Variants in PSD3 observed in about 807,000 individuals in gnomAD.
PSD3 encodes PH and SEC7 domain-containing protein 3.
Under a neutral mutation model 105.5 loss-of-function variants are expected in PSD3, and 49 were observed. That is an observed-to-expected ratio of 0.46 (90% CI 0.37 to 0.59). The LOEUF is 0.59. Among genes scored for constraint, PSD3 ranks in the 20% least tolerant of loss-of-function variants. The probability of loss-of-function intolerance (pLI) is 0.00; values close to 1 mark genes in which losing one functional copy is unlikely to be tolerated. For synonymous variants in PSD3, 557 were observed against 457.8 expected (o/e 1.22, Z -2.77); for missense variants, 1,561 against 1,263.8 (o/e 1.24, Z -3.57).
At chr8:18,761,279 A>G (rs896317636) in intron 9 of PSD3, among the ~76,000 whole-genome samples, 1 of 152,198 alleles carries the variant, frequency 6.6e-6, no homozygotes, top group Non-Finnish European at 1.5e-5. Flanking sequence ...GCAGCAAGCT[A>G]AAAAGGGATG....
chr8:18,703,092 G>C (rs1314507208), intron 9 of PSD3, among the ~76,000 whole-genome samples: 1 of 152,158 alleles, frequency 6.6e-6, no homozygotes, highest in Non-Finnish European at 1.5e-5. Context: ...TTATTTGAGA[G>C]TGTCGAGAGC....
chr8:19,062,700 T>C (rs1473142830), intron 1 of PSD3, among the ~76,000 whole-genome samples: 1 of 152,154 alleles, frequency 6.6e-6, no homozygotes, highest in Non-Finnish European at 1.5e-5. Context: ...ATAAAAATAA[T>C]AGAAGTTGTG....
chr8:18,758,079 T>A (rs891164868), intron 9 of PSD3, among the ~76,000 whole-genome samples: 2 of 152,208 alleles, frequency 1.3e-5, no homozygotes, highest in African/African-American at 4.8e-5. Context: ...ACAGAGTCCT[T>A]GTGCCATTTA....
intron 2 of PSD3, among the ~76,000 whole-genome samples, chr8:18,893,436 A>T (rs1333127854): frequency 6.6e-6 from 1 of 152,204 alleles, no homozygotes; most frequent in Non-Finnish European, 1.5e-5. Context: ...TATCGAGTTG[A>T]TTTCCAGCTA....
intron 9 of PSD3, among the ~76,000 whole-genome samples, chr8:18,751,030 C>T (rs1254725399): frequency 2.0e-5 from 3 of 152,142 alleles, no homozygotes; most frequent in South Asian, 2.1e-4. Flanking sequence ...GCCAGTCCTG[C>T]GCGATGCGCT....
At chr8:18,566,253 G>C (rs1047264430) in intron 14 of PSD3, among the ~76,000 whole-genome samples, 1 of 152,112 alleles carries the variant, frequency 6.6e-6, no homozygotes, top group African/African-American at 2.4e-5. Context: ...TGCTGGGCAG[G>C]GTGGCTCACG....
In PSD3 at chr8:19,012,434, G is replaced by A. The variant is rs184939765; in HGVS notation, c.21+1129C>T. ...AAGAAAGGATCATTTCTTGGAAAAG[G>A]GTAGAAAGTGAATTCCCTTTCCTTT... On this transcript the variant is annotated intron_variant, in intron 1 of 15. Coordinates refer to ENST00000327040, the MANE Select transcript of PSD3 (RefSeq NM_015310.4). Among the ~76,000 whole-genome samples the A allele has an allele frequency of 3.0e-4, 45 of 152,248 alleles. No individual in the cohort carries two copies. The South Asian group carries it at 5.4e-3, about 18-fold the overall frequency.
At chr8:19,051,358 C>T (rs1399636762) in intron 1 of PSD3, among the ~76,000 whole-genome samples, 2 of 152,186 alleles carry the variant, frequency 1.3e-5, no homozygotes, top group African/African-American at 4.8e-5. Context: ...TCTCATATGA[C>T]TCAGTGTTGC....
At chr8:19,030,282 C>G (rs1827719707) in intron 1 of PSD3, among the ~76,000 whole-genome samples, 1 of 152,096 alleles carries the variant, frequency 6.6e-6, no homozygotes, top group African/African-American at 2.4e-5. Flanking sequence ...GATTAGTTTT[C>G]AAATGTTAAA....
At chr8:18,771,443 C>A (rs1232353574) in intron 8 of PSD3, among the ~76,000 whole-genome samples, 2 of 152,158 alleles carry the variant, frequency 1.3e-5, no homozygotes, top group Admixed American at 1.3e-4. Flanking sequence ...TCCAACATCA[C>A]AAAGATTTAC....
chr8:18,732,047 T>C (rs1803794784), intron 9 of PSD3, among the ~76,000 whole-genome samples: 1 of 152,080 alleles, frequency 6.6e-6, no homozygotes, highest in Non-Finnish European at 1.5e-5. Context: ...CTGTCTCTCA[T>C]ATACAACTAG....
At chr8:18,901,108 A>G (rs1031880041) in intron 2 of PSD3, among the ~76,000 whole-genome samples, 1 of 152,218 alleles carries the variant, frequency 6.6e-6, no homozygotes, top group Admixed American at 6.5e-5. Context: ...TTTCATGGTA[A>G]TAAATGATTA....
intron 9 of PSD3, among the ~76,000 whole-genome samples, chr8:18,764,907 T>G (rs1438386291): frequency 6.6e-6 from 1 of 152,214 alleles, no homozygotes; most frequent in African/African-American, 2.4e-5. Context: ...AAAGTTGATT[T>G]TGTTGTCTCC....
chr8:18,694,895 G>C (rs1264594151), intron 9 of PSD3, among the ~76,000 whole-genome samples: 1 of 152,140 alleles, frequency 6.6e-6, no homozygotes, highest in African/African-American at 2.4e-5. Flanking sequence ...CTTGGAGCTG[G>C]CCAAAGGTAT....
intron 9 of PSD3, among the ~76,000 whole-genome samples, chr8:18,702,091 A>G (rs1801616110): frequency 6.6e-6 from 1 of 152,236 alleles, no homozygotes; most frequent in Non-Finnish European, 1.5e-5. Flanking sequence ...GAGTGACTTC[A>G]GATACTCCGA....
chr8:18,570,185 C>G lies in PSD3; in HGVS notation c.2784+2343G>C, dbSNP rs77552100. Among the ~76,000 whole-genome samples, 160 of 17,262 alleles carry G rather than the reference C, an allele frequency of 9.3e-3. 73 individuals carry two copies. The highest frequency in any genetic ancestry group is 0.017 in the African/African-American group (158 of 9,206). The allele number at this position is 17,262 out of a possible 152,430, so 11.3% of individuals were successfully genotyped here. On this transcript the variant is annotated intron_variant, in intron 14 of 15. Transcript: ENST00000327040. ...AATAATGCCGCTTATCTACAACCAT[C>G]TGATCTTTGACAAACATGACAAAAA...
At chr8:19,033,127 C>G (rs934745488) in intron 1 of PSD3, among the ~76,000 whole-genome samples, 7 of 151,968 alleles carry the variant, frequency 4.6e-5, no homozygotes, top group African/African-American at 1.7e-4. Context: ...AACAAAACCA[C>G]ACACAGAGAG....
chr8:18,734,381 T>A (rs970053779), intron 9 of PSD3: 6 of 152,354 alleles, frequency 3.9e-5, no homozygotes, highest in African/African-American at 1.4e-4. Context: ...TGATCTTTAA[T>A]ACAGATTAAG....
At chr8:18,912,500 A>C (rs1409760961) in intron 2 of PSD3, among the ~76,000 whole-genome samples, 1 of 152,222 alleles carries the variant, frequency 6.6e-6, no homozygotes, top group Non-Finnish European at 1.5e-5. Context: ...TATTCTTTGA[A>C]GGAAAACCTA....
Sources: gnomAD v4.1 joint callset for allele counts (sites outside exome capture counted in the v4.1 genomes callset) on GRCh38, gnomAD v4.1.1 for gene constraint, MANE v1.5 for transcripts, NCBI Gene and HGNC (gene_info 2026-07-23, HGNC 2026-07-21) for gene names.